DDAH1: variants seen among roughly 807,000 people sequenced by gnomAD.
DDAH1 encodes the protein dimethylarginine dimethylaminohydrolase 1, also known as N(G),N(G)-dimethylarginine dimethylaminohydrolase 1.
In DDAH1, 19 loss-of-function variants were observed where a neutral mutation model predicts 28.8. The observed-to-expected ratio is 0.66, with a 90% CI of 0.46 to 0.97. DDAH1 has a LOEUF of 0.97. DDAH1 is among the 50% of genes least tolerant of loss of function. The pLI is 0.00. For missense variants in DDAH1, 326 were observed against 375.9 expected, an observed-to-expected ratio of 0.87 and a Z score of 1.10; for synonymous variants, 153 against 154.4, an observed-to-expected ratio of 0.99 and a Z score of 0.07.
rs1655250517 is a variant in DDAH1 at position 85,464,255 on chromosome 1, C to A, written c.303+488G>T. On this transcript the variant is annotated intron_variant, in intron 1 of 5. Coordinates refer to ENST00000284031, the MANE Select transcript of DDAH1 (RefSeq NM_012137.4). This position sits in a 1 kb window ranked among gnomAD's most constrained non-coding sequence, Gnocchi z 4.4. ...ACTTGAGAAGCCCCAGGTCTGTGGG[C>A]ACCGACACCCCGTTAATTCATCCAG... Among the ~76,000 whole-genome samples the A allele has an allele frequency of 6.6e-6, 1 of 152,144 alleles. No individual in the cohort carries two copies. The highest frequency in any genetic ancestry group is 1.5e-5 in the Non-Finnish European group (1 of 68,016).
At chr1:85,465,324 G>T, upstream of DDAH1, 1 of 599,750 alleles carries the variant, frequency 1.7e-6, no homozygotes, top group Non-Finnish European at 2.1e-6. Context: ...GGCGAGGAGT[G>T]GGGCCAGGAG....
In DDAH1 at chr1:85,464,398, C is replaced by G. The variant is rs1421288092; in HGVS notation, c.303+345G>C. 8.2e-7 allele frequency: 1 copy of G among 1,220,476 alleles called. No homozygotes were observed. Among genetic ancestry groups the G allele is most frequent in the Non-Finnish European group, 1.1e-6 (1 of 907,616 alleles). 75.6% of individuals were successfully genotyped at this position (1,220,476 alleles called of 1,614,324 possible). On this transcript the variant is annotated intron_variant, in intron 1 of 5. Coordinates refer to ENST00000284031, the MANE Select transcript of DDAH1 (RefSeq NM_012137.4). The surrounding 1 kb of genome is among the most constrained non-coding windows in gnomAD (Gnocchi z 4.4). ...TACCGGAGCGGCACCCCTCGCGGCC[C>G]TCGCTCCCTGGGAAACACTCAGAGT...
chr1:85,332,129 C>T (rs569980969), intron 4 of DDAH1, among the ~76,000 whole-genome samples: 4 of 152,292 alleles, frequency 2.6e-5, no homozygotes, highest in African/African-American at 9.6e-5. Flanking sequence ...GTCCCATGTA[C>T]CCACTTAGTT....
At chr1:85,441,274 G>A (rs552026735) in intron 1 of DDAH1, among the ~76,000 whole-genome samples, 1 of 152,278 alleles carries the variant, frequency 6.6e-6, no homozygotes, top group African/African-American at 2.4e-5. Context: ...TGGGTGTGGT[G>A]GCTCACGCCT....
At chr1:85,419,517 A>T (rs1000167068) in intron 1 of DDAH1, among the ~76,000 whole-genome samples, 2 of 146,728 alleles carry the variant, frequency 1.4e-5, no homozygotes, top group Non-Finnish European at 3.0e-5. Flanking sequence ...TCCAGCCTGG[A>T]CGACAAGAGT....
At chr1:85,569,533 A>C (rs914513971) in intron 1 of DDAH1, among the ~76,000 whole-genome samples, 15 of 152,332 alleles carry the variant, frequency 9.8e-5, no homozygotes, top group African/African-American at 3.4e-4. Flanking sequence ...TTCAGGCAGA[A>C]ATTGTCTCAA....
At chr1:85,397,437 G>T (rs751616169) in intron 1 of DDAH1, among the ~76,000 whole-genome samples, 8 of 152,114 alleles carry the variant, frequency 5.3e-5, no homozygotes, top group Non-Finnish European at 1.2e-4. Flanking sequence ...AATTACATTA[G>T]ACTGAAAAAC....
In DDAH1 at chr1:85,351,553, T is replaced by G. The variant is rs1649203750; in HGVS notation, c.430A>C (p.Lys144Gln). The change falls in exon 3 of 6, where the codon AAA (lysine) becomes CAA (glutamine). Residue 144 changes from lysine (K) to glutamine (Q), a missense_variant. Lys to Gln is a moderately conservative substitution (Grantham distance 53). Coordinates refer to ENST00000284031, the MANE Select transcript of DDAH1 (RefSeq NM_012137.4). ...TGREFFVGLS[K>Q]RTNQRGAEIL... Reference sequence around the variant, plus strand: ...TCAGCACCTCGTTGATTTGTCCTTTTGGAAAGGCCCACAAAAAATTCTCTG... The same window carrying G: ...TCAGCACCTCGTTGATTTGTCCTTTGGGAAAGGCCCACAAAAAATTCTCTG... 6.2e-7 allele frequency: 1 copy of G among 1,614,100 alleles called. No homozygotes were observed. Among genetic ancestry groups the G allele is most frequent in the East Asian group, 2.2e-5 (1 of 44,880 alleles).
At chr1:85,382,711 C>A (rs1319520837) in intron 1 of DDAH1, among the ~76,000 whole-genome samples, 3 of 152,244 alleles carry the variant, frequency 2.0e-5, no homozygotes, top group Non-Finnish European at 4.4e-5. Context: ...CAGGCTGACT[C>A]TCTTGTTAGA....
intron 1 of DDAH1, among the ~76,000 whole-genome samples, chr1:85,539,035 T>C (rs1200148481): frequency 1.3e-5 from 2 of 152,232 alleles, no homozygotes; most frequent in Non-Finnish European, 2.9e-5. Context: ...TTTAAAAATC[T>C]TATCTGCAGC....
intron 1 of DDAH1, among the ~76,000 whole-genome samples, chr1:85,517,077 A>G (rs1319846902): frequency 6.6e-6 from 1 of 152,054 alleles, no homozygotes; most frequent in Non-Finnish European, 1.5e-5. Context: ...GGGATAACAG[A>G]GCACCTACCA....
rs572136458 is a variant in DDAH1 at position 85,530,264 on chromosome 1, C to T, written c.-122-33983G>A. ...AGTGGAGGTACAAACTGGGAGAATCCAGTCCCCATATACTAATCATCCTCC... is the reference window on the plus strand; with the variant it reads ...AGTGGAGGTACAAACTGGGAGAATCTAGTCCCCATATACTAATCATCCTCC... On this transcript the variant is annotated intron_variant, in intron 1 of 6. Transcript: ENST00000426972. Among the ~76,000 whole-genome samples, 260 of 152,270 alleles carry T rather than the reference C, an allele frequency of 1.7e-3. 2 individuals are homozygous for T. Among genetic ancestry groups the T allele is most frequent in the African/African-American group, 5.9e-3 (246 of 41,550 alleles).
chr1:85,456,863 A>C (rs899016503), intron 1 of DDAH1, among the ~76,000 whole-genome samples: 7 of 151,662 alleles, frequency 4.6e-5, no homozygotes, highest in African/African-American at 1.7e-4. Flanking sequence ...ACCCTCCACC[A>C]CCAAAAAAGT....
At chr1:85,452,646 T>C (rs1146383) in intron 1 of DDAH1, among the ~76,000 whole-genome samples, 121,192 of 151,994 alleles carry the variant, frequency 0.8, 48,522 homozygotes, top group Middle Eastern at 0.88. Flanking sequence ...AACAAACTCA[T>C]AGTGTTATAG....
chr1:85,403,927 ATGT>A (rs1235319373), intron 1 of DDAH1, among the ~76,000 whole-genome samples: 2 of 152,212 alleles, frequency 1.3e-5, no homozygotes, highest in South Asian at 2.1e-4. Flanking sequence ...AAATGGATAC[ATGT>A]TGTACTCTTG....
Position 85,517,031 on chromosome 1 carries a change from A to G in DDAH1, c.-122-20750T>C, listed in dbSNP as rs532055268. On this transcript the variant is annotated intron_variant, in intron 1 of 6. Transcript: ENST00000426972. ...TATATAGCCTTGAGCAGGTTGTCTA[A>G]TTTCTTAAAACTTCATATTCCTCAA... Among the ~76,000 whole-genome samples, 32 of 151,538 alleles carry G rather than the reference A, an allele frequency of 2.1e-4. 1 individual carries two copies. Among genetic ancestry groups the G allele is most frequent in the Middle Eastern group, 3.4e-3 (1 of 294 alleles).
rs78602614 is a variant in DDAH1 at position 85,552,351 on chromosome 1, C to T, written c.-123+25633G>A. ...ACAACTTAAAAACCTGGTTTCTCAA[C>T]GGCTATAGAATCTGAATCCCCAATT... is the stretch of plus-strand genomic sequence containing the variant. On this transcript the variant is annotated intron_variant, in intron 1 of 6. Coordinates refer to the DDAH1 transcript ENST00000426972. Among the ~76,000 whole-genome samples the T allele has an allele frequency of 9.4e-3, 1,435 of 152,304 alleles. 25 individuals are homozygous for T. Among genetic ancestry groups the T allele is most frequent in the East Asian group, 0.055 (287 of 5,180 alleles).
intron 5 of DDAH1, among the ~76,000 whole-genome samples, chr1:85,321,906 T>C (rs980647916): frequency 2.6e-5 from 4 of 152,174 alleles, no homozygotes; most frequent in Non-Finnish European, 5.9e-5. Flanking sequence ...CTTCACACTT[T>C]ATTTTTATTT....
At chr1:85,416,284 C>T (rs1233570133) in intron 1 of DDAH1, among the ~76,000 whole-genome samples, 2 of 151,928 alleles carry the variant, frequency 1.3e-5, no homozygotes, top group Non-Finnish European at 2.9e-5. Flanking sequence ...CGGAGTCTCA[C>T]TCCCGGGTTC....
Sources: gnomAD v4.1 joint callset for allele counts (sites outside exome capture counted in the v4.1 genomes callset) on GRCh38, gnomAD v4.1.1 for gene constraint, Gnocchi (gnomAD v3.1) non-coding constraint, MANE v1.5 for transcripts, NCBI Gene and HGNC (gene_info 2026-07-23, HGNC 2026-07-21) for gene names.